Variants in GRM5 observed in about 807,000 individuals in gnomAD.
GRM5 encodes the protein metabotropic glutamate receptor 5.
Under a neutral mutation model 83.1 loss-of-function variants are expected in GRM5, and 19 were observed. That is an observed-to-expected ratio of 0.23 (90% CI 0.16 to 0.34). The LOEUF is 0.34. Ranked by LOEUF, GRM5 falls within the 10% of genes least tolerant of loss-of-function variation. GRM5 has a pLI of 1.00. For synonymous variants in GRM5, 675 were observed against 633.6 expected, an observed-to-expected ratio of 1.07 and a Z score of -0.98; for missense variants, 1,160 against 1,588.3, an observed-to-expected ratio of 0.73 and a Z score of 4.58.
At chr11:88,949,899 C>G (rs546705573) in intron 2 of GRM5, among the ~76,000 whole-genome samples, 2 of 152,212 alleles carry the variant, frequency 1.3e-5, no homozygotes, top group East Asian at 1.9e-4. Flanking sequence ...GGGTCTTGCT[C>G]TGTTGCCCAG....
chr11:88,958,423 C>A (rs777297238), intron 2 of GRM5, among the ~76,000 whole-genome samples: 1 of 151,542 alleles, frequency 6.6e-6, no homozygotes, highest in Non-Finnish European at 1.5e-5. Flanking sequence ...AAAAGAATTA[C>A]AAAAACAACT....
intron 3 of GRM5, among the ~76,000 whole-genome samples, chr11:88,755,913 T>C (rs6483430): frequency 0.72 from 109,997 of 151,946 alleles, 40,240 homozygotes; most frequent in African/African-American, 0.75. Context: ...TAACTACAGG[T>C]CCAGTGATGT....
In GRM5 at chr11:89,064,941, G is replaced by GAGAGAGA. The variant is rs56894219; in HGVS notation, c.-201+834_-201+835insTCTCTCT. On this transcript the variant is annotated intron_variant, in intron 1 of 9. Transcript: ENST00000305447. ...GAGAGAGAGAGAGAGAGAGAGAGAG[G>GAGAGAGA]GAGAGAGAGATATTATTTTTGCCAA... Among the ~76,000 whole-genome samples, 150 of 36,830 alleles carry GAGAGAGA rather than the reference G, an allele frequency of 4.1e-3. 5 individuals carry two copies. Among genetic ancestry groups the GAGAGAGA allele is most frequent in the South Asian group, 0.011 (7 of 664 alleles). 24.2% of individuals were successfully genotyped at this position (36,830 alleles called of 152,430 possible).
At chr11:88,583,817 A>G (rs1041293100) in intron 7 of GRM5, among the ~76,000 whole-genome samples, 4 of 152,254 alleles carry the variant, frequency 2.6e-5, no homozygotes, top group African/African-American at 9.6e-5. Flanking sequence ...CTGAACGTCT[A>G]GCTCAAATTG....
At chr11:88,577,913 C>T (rs2135188410) in intron 7 of GRM5, among the ~76,000 whole-genome samples, 1 of 152,124 alleles carries the variant, frequency 6.6e-6, no homozygotes, top group Non-Finnish European at 1.5e-5. Context: ...TACCTATCTG[C>T]CTACATCTCA....
intron 6 of GRM5, among the ~76,000 whole-genome samples, chr11:88,593,581 G>A (rs1406499677): frequency 6.6e-6 from 1 of 151,020 alleles, no homozygotes; most frequent in African/African-American, 2.4e-5. Context: ...TGGAGGCCGA[G>A]ACAGGAGAAT....
chr11:88,886,762 C>T (rs555777902), intron 2 of GRM5, among the ~76,000 whole-genome samples: 5 of 152,222 alleles, frequency 3.3e-5, no homozygotes, highest in African/African-American at 9.6e-5. Context: ...TTCCTGTCTG[C>T]GATCATCATA....
At chr11:88,561,667 G>T (rs533062874) in intron 8 of GRM5, among the ~76,000 whole-genome samples, 5 of 152,142 alleles carry the variant, frequency 3.3e-5, no homozygotes, top group Non-Finnish European at 7.3e-5. Context: ...GCTGCACCAT[G>T]TTGTGCTGGA....
intron 4 of GRM5, among the ~76,000 whole-genome samples, chr11:88,626,679 T>G (rs1425742136): frequency 6.6e-6 from 1 of 152,150 alleles, no homozygotes; most frequent in Admixed American, 6.6e-5. Context: ...TTGAAGAAAC[T>G]CTAATTCCTA....
Position 88,774,050 on chromosome 11 carries a change from C to T in GRM5, c.911+75856G>A, listed in dbSNP as rs141387142. ...CTATAAATTACTTTGGGCAGTATGG[C>T]AATTTTCACAATATTGATTTTTCCT... is the stretch of plus-strand genomic sequence containing the variant. On this transcript the variant is annotated intron_variant, in intron 3 of 9. Coordinates refer to ENST00000305447, the MANE Select transcript of GRM5 (RefSeq NM_001143831.3). Among the ~76,000 whole-genome samples the T allele has an allele frequency of 3.5e-3, 529 of 152,238 alleles. 2 individuals are homozygous for T. The highest frequency in any genetic ancestry group is 0.012 in the African/African-American group (505 of 41,552).
rs181715236 is a variant in GRM5 at position 88,653,415 on chromosome 11, T to G, written c.912-12A>C. On this transcript the variant is annotated splice_polypyrimidine_tract_variant and intron_variant, in intron 3 of 9. Coordinates refer to ENST00000305447, the MANE Select transcript of GRM5 (RefSeq NM_001143831.3). ...CAGCCCAGCCATCACTGTGGGGAAA[T>G]AAAAAAACCCTCAGCTTAGAACAGA... is the stretch of plus-strand genomic sequence containing the variant. 17 of 1,571,552 alleles carry G rather than the reference T, an allele frequency of 1.1e-5. No individual in the cohort carries two copies. In the Admixed American group the frequency reaches 1.5e-4, roughly 14 times the overall value.
chr11:88,978,474 TAAAAAA>T (rs200343438), intron 2 of GRM5, among the ~76,000 whole-genome samples: 15 of 97,980 alleles, frequency 1.5e-4, no homozygotes, highest in Admixed American at 4.5e-4. Flanking sequence ...CAGATGAGCT[TAAAAAA>T]AAAAAAAAAA....
chr11:88,709,551 G>T (rs1941237198), intron 3 of GRM5, among the ~76,000 whole-genome samples: 1 of 152,130 alleles, frequency 6.6e-6, no homozygotes, highest in Non-Finnish European at 1.5e-5. Flanking sequence ...CCTCTCTGAA[G>T]TGAACTAATC....
chr11:88,969,406 GCTT>G (rs1591006364), intron 2 of GRM5, among the ~76,000 whole-genome samples: 1 of 151,972 alleles, frequency 6.6e-6, no homozygotes. Context: ...AGATCTAACT[GCTT>G]CTTGCGGAAT....
chr11:88,798,139 G>A (rs1006153094), intron 3 of GRM5, among the ~76,000 whole-genome samples: 3 of 152,044 alleles, frequency 2.0e-5, no homozygotes, highest in Admixed American at 2.0e-4. Context: ...AATTTCTAAT[G>A]GAAATTATCT....
intron 3 of GRM5, among the ~76,000 whole-genome samples, chr11:88,697,796 T>C (rs574407800): frequency 6.6e-6 from 1 of 152,370 alleles, no homozygotes; most frequent in East Asian, 1.9e-4. Flanking sequence ...TCTCTTTGTA[T>C]GCAAGTGAAA....
rs145598317 is a variant in GRM5 at position 88,638,440 on chromosome 11, G to A, written c.1147+14728C>T. 5.9e-3 allele frequency among the ~76,000 whole-genome samples: 885 copies of A among 150,806 alleles called. 8 individuals carry two copies. Among genetic ancestry groups the A allele is most frequent in the African/African-American group, 0.021 (858 of 41,342 alleles). On this transcript the variant is annotated intron_variant, in intron 4 of 9. Coordinates refer to ENST00000305447, the MANE Select transcript of GRM5 (RefSeq NM_001143831.3). ...GTTTTGTTTGTTTGTTTGTTTGTTT[G>A]TTTTGTTTTCCATGAGATATTTTCG... is the stretch of plus-strand genomic sequence containing the variant.
intron 3 of GRM5, among the ~76,000 whole-genome samples, chr11:88,780,427 T>C (rs1439606662): frequency 1.3e-5 from 2 of 152,192 alleles, no homozygotes; most frequent in African/African-American, 4.8e-5. Flanking sequence ...AGCCTCCCTA[T>C]ATAAGGCTGA....
At chr11:88,646,291 CT>C (rs1939443732) in intron 4 of GRM5, among the ~76,000 whole-genome samples, 1 of 151,924 alleles carries the variant, frequency 6.6e-6, no homozygotes, top group Non-Finnish European at 1.5e-5. Context: ...AAAAATTATA[CT>C]CTTAATACTT....
Sources: allele counts gnomAD v4.1 joint callset (sites outside exome capture counted in the v4.1 genomes callset), GRCh38; gene constraint gnomAD v4.1.1; transcripts MANE v1.5; gene names NCBI Gene and HGNC (gene_info 2026-07-23, HGNC 2026-07-21).